AHCYL2: variants seen among roughly 807,000 people sequenced by gnomAD.
AHCYL2 encodes the protein adenosylhomocysteinase like 2.
Under a neutral mutation model 81.4 loss-of-function variants are expected in AHCYL2, and 28 were observed. The observed-to-expected ratio is 0.34, with a 90% CI of 0.25 to 0.47. The LOEUF (loss-of-function observed/expected upper bound fraction) is 0.47, where lower values mean the gene tolerates loss of function less well. Among genes scored for constraint, AHCYL2 ranks in the 20% least tolerant of loss-of-function variants. The pLI, the probability that AHCYL2 is intolerant of heterozygous loss-of-function variation, is 1.00. For missense variants in AHCYL2, 551 were observed against 785.1 expected, an observed-to-expected ratio of 0.70 and a Z score of 3.56; for synonymous variants, 272 against 290.2, an observed-to-expected ratio of 0.94 and a Z score of 0.64.
chr7:129,359,708 G>T (rs1286874020), intron 1 of AHCYL2, among the ~76,000 whole-genome samples: 1 of 152,120 alleles, frequency 6.6e-6, no homozygotes, highest in East Asian at 1.9e-4. Flanking sequence ...TTTTCTTTGA[G>T]AACAGCTTTA....
intron 13 of AHCYL2, among the ~76,000 whole-genome samples, chr7:129,424,553 G>A (rs1797270834): frequency 6.6e-6 from 1 of 152,188 alleles, no homozygotes; most frequent in Non-Finnish European, 1.5e-5. Context: ...TCAGAAGGAG[G>A]ATATTTTGCT....
intron 1 of AHCYL2, chr7:129,377,463 G>A: frequency 2.2e-6 from 1 of 449,806 alleles, no homozygotes; most frequent in Non-Finnish European, 4.5e-6. Context: ...CCCCTAAAAG[G>A]CAATGTGAAG....
intron 1 of AHCYL2, among the ~76,000 whole-genome samples, chr7:129,273,036 G>A (rs974744784): frequency 1.3e-5 from 2 of 151,890 alleles, no homozygotes; most frequent in African/African-American, 4.8e-5. Flanking sequence ...GAGTAGCTGG[G>A]ATTACAGGTG....
chr7:129,245,181 T>C (rs978623240), intron 1 of AHCYL2, among the ~76,000 whole-genome samples: 6 of 151,888 alleles, frequency 4.0e-5, no homozygotes, highest in Non-Finnish European at 5.9e-5. Flanking sequence ...TGTACCACCA[T>C]GCCTAGCTAA....
At chr7:129,292,749 AGAGT>A (rs1282786914) in intron 1 of AHCYL2, among the ~76,000 whole-genome samples, 2 of 152,138 alleles carry the variant, frequency 1.3e-5, no homozygotes, top group East Asian at 3.8e-4. Context: ...CCTGGGTGAC[AGAGT>A]GAGACTCTGT....
At chr7:129,401,720 AG>A (rs1380711195) in intron 6 of AHCYL2, among the ~76,000 whole-genome samples, 1 of 152,224 alleles carries the variant, frequency 6.6e-6, no homozygotes, top group Admixed American at 6.5e-5. Flanking sequence ...CAGATATGCC[AG>A]GGGGTTTCTC....
intron 1 of AHCYL2, among the ~76,000 whole-genome samples, chr7:129,293,206 C>T (rs556193868): frequency 3.3e-5 from 5 of 151,458 alleles, no homozygotes; most frequent in East Asian, 1.9e-4. Context: ...GTAATGGTTG[C>T]GGAAAAGGAA....
chr7:129,245,114 T>C (rs1202095780), intron 1 of AHCYL2, among the ~76,000 whole-genome samples: 1 of 149,086 alleles, frequency 6.7e-6, no homozygotes, highest in Admixed American at 6.8e-5. Flanking sequence ...AGTCTCCGCC[T>C]CCTGGGCTCA....
chr7:129,300,110 GTATC>G (rs1404833373), intron 1 of AHCYL2, among the ~76,000 whole-genome samples: 1 of 151,892 alleles, frequency 6.6e-6, no homozygotes, highest in Non-Finnish European at 1.5e-5. Context: ...GTAAATGAGG[GTATC>G]TATCAACTCA....
At chr7:129,381,302 C>T (rs187268981) in intron 2 of AHCYL2, among the ~76,000 whole-genome samples, 4 of 152,144 alleles carry the variant, frequency 2.6e-5, no homozygotes, top group Admixed American at 2.6e-4. Context: ...CCTGCCTTCC[C>T]ACCCAGTCCC....
chr7:129,362,284 A>G (rs1282849279), intron 1 of AHCYL2, among the ~76,000 whole-genome samples: 1 of 152,182 alleles, frequency 6.6e-6, no homozygotes, highest in Non-Finnish European at 1.5e-5. Flanking sequence ...TATAGTCTTT[A>G]CCTGTAATGA....
At chr7:129,237,884 A>AT (rs1040753302) in intron 1 of AHCYL2, among the ~76,000 whole-genome samples, 3 of 151,664 alleles carry the variant, frequency 2.0e-5, no homozygotes, top group African/African-American at 4.8e-5. Context: ...CACCCAGCTA[A>AT]TTTTTTTTGT....
intron 1 of AHCYL2, among the ~76,000 whole-genome samples, chr7:129,306,384 A>C (rs1797443438): frequency 6.6e-6 from 1 of 152,014 alleles, no homozygotes; most frequent in Non-Finnish European, 1.5e-5. Context: ...ACTCTGATGC[A>C]TTCTTCAGTG....
At chr7:129,413,713 G>A in intron 12 of AHCYL2, 25 bp downstream of exon 12, 1 of 1,600,976 alleles carries the variant, frequency 6.2e-7, no homozygotes, top group Non-Finnish European at 8.6e-7. Context: ...CTCATTATTG[G>A]GGGCTTTTTT....
chr7:129,355,491 CCG>C (rs1255514123), intron 1 of AHCYL2, among the ~76,000 whole-genome samples: 1 of 152,146 alleles, frequency 6.6e-6, no homozygotes, highest in Non-Finnish European at 1.5e-5. Flanking sequence ...ATGCACCTAA[CCG>C]TGTATTTTTC....
At chr7:129,321,588 G>A (rs1798014277) in intron 1 of AHCYL2, among the ~76,000 whole-genome samples, 1 of 152,096 alleles carries the variant, frequency 6.6e-6, no homozygotes, top group African/African-American at 2.4e-5. Context: ...TTTTACATCT[G>A]TGTTAGTGAG....
At position 129,375,965 on chromosome 7, in the gene AHCYL2, A is replaced by G. The variant is rs186054576; in HGVS notation, c.364-3673A>G. ...CTTATTTACCAGTCTTGCCGCTGCT[A>G]TAGCCATTATTGTAAAAGGCCGACT... On this transcript the variant is annotated intron_variant, in intron 1 of 16. Coordinates refer to ENST00000325006, the MANE Select transcript of AHCYL2 (RefSeq NM_015328.4). 1.9e-4 allele frequency: 299 copies of G among 1,535,724 alleles called. 1 individual carries two copies. Among genetic ancestry groups the G allele is most frequent in the East Asian group, 1.2e-3 (50 of 40,914 alleles).
chr7:129,293,094 C>T (rs905759932), intron 1 of AHCYL2, among the ~76,000 whole-genome samples: 1 of 151,990 alleles, frequency 6.6e-6, no homozygotes, highest in African/African-American at 2.4e-5. Context: ...TGATTATAGG[C>T]GCTTGCCACT....
At chr7:129,373,702 A>C (rs1412137899) in intron 1 of AHCYL2, among the ~76,000 whole-genome samples, 2 of 152,236 alleles carry the variant, frequency 1.3e-5, no homozygotes, top group Non-Finnish European at 2.9e-5. Flanking sequence ...TAGATATGCC[A>C]GTCCTTCTGG....
Sources: gnomAD v4.1 joint callset for allele counts (sites outside exome capture counted in the v4.1 genomes callset) on GRCh38, gnomAD v4.1.1 for gene constraint, MANE v1.5 for transcripts, NCBI Gene and HGNC (gene_info 2026-07-23, HGNC 2026-07-21) for gene names.